The following TENM4 variants were observed in gnomAD, a reference collection of about 807,000 sequenced individuals.
TENM4 encodes teneurin-4.
Under a neutral mutation model 243.3 loss-of-function variants are expected in TENM4, and 82 were observed. The observed-to-expected ratio is 0.34, with a 90% confidence interval of 0.28 to 0.40. The LOEUF (loss-of-function observed/expected upper bound fraction) is 0.40. Ranked by LOEUF, TENM4 falls within the 10% of genes least tolerant of loss-of-function variation. The pLI is 1.00. For missense variants in TENM4, 3,138 were observed against 3,673.3 expected (o/e 0.85, Z 3.77); for synonymous variants, 1,412 against 1,456.3 (o/e 0.97, Z 0.69).
At chr11:79,293,078 T>C (rs1354237230) in intron 2 of TENM4, among the ~76,000 whole-genome samples, 2 of 152,176 alleles carry the variant, frequency 1.3e-5, no homozygotes, top group African/African-American at 4.8e-5. Flanking sequence ...TAATCACTTT[T>C]TAAAACACTA....
At chr11:79,145,040 C>A (rs1829240894) in intron 4 of TENM4, among the ~76,000 whole-genome samples, 1 of 151,552 alleles carries the variant, frequency 6.6e-6, no homozygotes, top group South Asian at 2.1e-4. Flanking sequence ...ATCTCACGTG[C>A]CCCATAAATA....
chr11:78,691,776 C>T (rs533529187), intron 28 of TENM4, among the ~76,000 whole-genome samples: 92 of 152,338 alleles, frequency 6.0e-4, no homozygotes, highest in Admixed American at 9.8e-4. Context: ...ATTAGAAGGA[C>T]TGAATGTCTT....
intron 6 of TENM4, among the ~76,000 whole-genome samples, chr11:78,941,311 T>C (rs12575265): frequency 0.13 from 19,196 of 152,268 alleles, 2,142 homozygotes; most frequent in African/African-American, 0.29. Context: ...CCTTACGTGC[T>C]TAGCAAAGGT....
intron 12 of TENM4, among the ~76,000 whole-genome samples, chr11:78,836,635 A>C (rs1858123140): frequency 6.6e-6 from 1 of 152,206 alleles, no homozygotes; most frequent in African/African-American, 2.4e-5. Context: ...AGCAGGCTCG[A>C]GTTTTCAAAT....
chr11:78,770,865 G>T, intron 18 of TENM4, 127 bp downstream of exon 18: 1 of 1,289,778 alleles, frequency 7.8e-7, no homozygotes, highest in Non-Finnish European at 1.0e-6. Context: ...TTTTTTGCTT[G>T]CCCCGCAGGT....
intron 3 of TENM4, among the ~76,000 whole-genome samples, chr11:79,196,650 C>T (rs923892512): frequency 1.3e-5 from 2 of 152,128 alleles, no homozygotes; most frequent in Non-Finnish European, 2.9e-5. Flanking sequence ...CACTGTTCCC[C>T]ATGTTTCCTG....
chr11:79,149,712 A>G (rs1245338036), intron 3 of TENM4, among the ~76,000 whole-genome samples: 1 of 152,130 alleles, frequency 6.6e-6, no homozygotes, highest in Non-Finnish European at 1.5e-5. Context: ...GCTTAGAAAG[A>G]GTGTGCATTC....
chr11:79,287,454 T>C (rs1461065432), intron 2 of TENM4, among the ~76,000 whole-genome samples: 1 of 152,156 alleles, frequency 6.6e-6, no homozygotes, highest in African/African-American at 2.4e-5. Flanking sequence ...AACAAAGATT[T>C]AATGTAGTCC....
chr11:79,420,772 T>C (rs1007236470), intron 1 of TENM4, among the ~76,000 whole-genome samples: 1 of 152,126 alleles, frequency 6.6e-6, no homozygotes, highest in East Asian at 1.9e-4. Context: ...ATCCACACAA[T>C]ACGGAAAAAA....
intron 6 of TENM4, among the ~76,000 whole-genome samples, chr11:78,959,434 A>G (rs1037447642): frequency 8.5e-5 from 13 of 152,068 alleles, no homozygotes; most frequent in African/African-American, 3.1e-4. Context: ...ATCTTCACTC[A>G]CTAGTGCTGA....
At chr11:79,150,656 G>A (rs1358030520) in intron 3 of TENM4, among the ~76,000 whole-genome samples, 1 of 151,996 alleles carries the variant, frequency 6.6e-6, no homozygotes, top group Non-Finnish European at 1.5e-5. Context: ...GGCCTCTCTG[G>A]GTCATTTGCT....
At chr11:78,968,133 G>C (rs1201693538) in intron 6 of TENM4, among the ~76,000 whole-genome samples, 1 of 152,132 alleles carries the variant, frequency 6.6e-6, no homozygotes, top group East Asian at 1.9e-4. Flanking sequence ...CCTCTCTCTG[G>C]CTCTCTATAC....
chr11:78,927,008 G>T (rs1856568117), intron 6 of TENM4, among the ~76,000 whole-genome samples: 1 of 152,110 alleles, frequency 6.6e-6, no homozygotes, highest in African/African-American at 2.4e-5. Flanking sequence ...TATGTTTTTT[G>T]TACAAACAAT....
intron 26 of TENM4, among the ~76,000 whole-genome samples, chr11:78,709,912 A>G (rs1859357318): frequency 6.6e-6 from 1 of 152,250 alleles, no homozygotes. Context: ...CGCAAGAATC[A>G]GACATAACCA....
At chr11:78,729,685 C>G in intron 21 of TENM4, 42 bp from the exon 22 acceptor site, 1 of 1,559,700 alleles carries the variant, frequency 6.4e-7, no homozygotes, top group Non-Finnish European at 8.7e-7. Context: ...CGGTCGTCGA[C>G]TCACCGAGTG....
chr11:79,409,694 C>G (rs1276921336), intron 1 of TENM4, among the ~76,000 whole-genome samples: 1 of 152,166 alleles, frequency 6.6e-6, no homozygotes. Context: ...CCTGCAGCCT[C>G]CATAGACTGC....
rs188142879 is a variant in TENM4, at chr11:79,224,926, G to C, written c.-264-9017C>G. Among the ~76,000 whole-genome samples, 5 of 152,136 alleles carry C rather than the reference G, an allele frequency of 3.3e-5. No individual in the cohort carries two copies. The East Asian group carries it at 7.7e-4, about 24-fold the overall frequency. ...AGATTGTGCCATTGCACTCCAGCCT[G>C]GGCAACAAGAGCCAGACTCTGTCTA... On this transcript the variant is annotated intron_variant, in intron 2 of 33. Transcript: ENST00000278550.
chr11:79,393,893 G>A (rs758836386), intron 1 of TENM4, among the ~76,000 whole-genome samples: 3 of 152,164 alleles, frequency 2.0e-5, no homozygotes, highest in Non-Finnish European at 4.4e-5. Flanking sequence ...CTCTGGCAGT[G>A]GGGGGTTGGA....
Position 78,840,386 on chromosome 11 carries a change from T to C in TENM4, c.1681+13718A>G, listed in dbSNP as rs1350614160. 3.9e-5 allele frequency among the ~76,000 whole-genome samples: 6 copies of C among 152,094 alleles called. No homozygotes were observed. In the South Asian group the frequency reaches 8.3e-4, roughly 21 times the overall value. On this transcript the variant is annotated intron_variant, in intron 12 of 33. Transcript: ENST00000278550. ...AATATGAACCAGGAATGAAACAAAC[T>C]GGGCTTCTTTTAGCCGAGAACATGA...
Sources: gnomAD v4.1 joint callset for allele counts (sites outside exome capture counted in the v4.1 genomes callset) on GRCh38, gnomAD v4.1.1 for gene constraint, MANE v1.5 for transcripts, NCBI Gene and HGNC (gene_info 2026-07-23, HGNC 2026-07-21) for gene names.